Variants in SPDYE18 observed in about 807,000 individuals in gnomAD.
SPDYE18 encodes the protein speedy/RINGO cell cycle regulator family member E18.
SPDYE18 carries 6 observed loss-of-function variants against 44.9 expected under a neutral mutation model. The ratio of observed to expected loss-of-function variants is 0.13; its 90% CI spans 0.07 to 0.26. SPDYE18 has a LOEUF of 0.26. Among genes scored for constraint, SPDYE18 ranks in the 10% least tolerant of loss-of-function variants. The pLI is 1.00. For synonymous variants in SPDYE18, 35 were observed against 177.1 expected, an observed-to-expected ratio of 0.20 and a Z score of 6.37; for missense variants, 121 against 463.2, an observed-to-expected ratio of 0.26 and a Z score of 6.78.
rs570887819 is a variant in SPDYE18 at position 77,050,454 on chromosome 7, A to G, written c.*1471T>C. Among the ~76,000 whole-genome samples the G allele has an allele frequency of 2.5e-4, 38 of 152,358 alleles. No individual in the cohort carries two copies. The highest frequency in any genetic ancestry group is 6.5e-4 in the African/African-American group (27 of 41,598). ...TATGTTTCCACAAGAGACGCACTCTATTGTTCTCTTGAAAACACACAGCTC... is the reference window on the plus strand; with the variant it reads ...TATGTTTCCACAAGAGACGCACTCTGTTGTTCTCTTGAAAACACACAGCTC... On this transcript the variant is annotated 3_prime_UTR_variant, in exon 9 of 9. Coordinates refer to ENST00000510091, the MANE Select transcript of SPDYE18 (RefSeq NM_001394953.1).
chr7:77,061,014 G>A (rs1298657801), intron 1 of SPDYE18, among the ~76,000 whole-genome samples, 81 bp from the exon 2 acceptor site: 1 of 117,706 alleles, frequency 8.5e-6, no homozygotes, highest in African/African-American at 3.3e-5. Flanking sequence ...AGATTATCAT[G>A]TACAAGAGTG....
rs1394839958 is a variant in SPDYE18 at position 77,055,285 on chromosome 7, CCCGGCTGA to C, written c.698_705del (p.Phe233CysfsTer22). 1 of 1,388,362 alleles carries C rather than the reference CCCGGCTGA, an allele frequency of 7.2e-7. No individual in the cohort carries two copies. The highest frequency in any genetic ancestry group is 1.0e-6 in the Non-Finnish European group (1 of 987,166). 86.0% of individuals were successfully genotyped at this position (1,388,362 alleles called of 1,614,324 possible). Reference sequence around the variant, plus strand: ...TGGTATTGCCAGGAGGGGAGGCCGGCCCGGCTGAAATACGCTATGACCATAGCCAGGAG... The same window carrying C: ...TGGTATTGCCAGGAGGGGAGGCCGGCAATACGCTATGACCATAGCCAGGAG... On this transcript the variant is annotated frameshift_variant, in exon 6 of 9. Coordinates refer to ENST00000510091, the MANE Select transcript of SPDYE18 (RefSeq NM_001394953.1). LOFTEE classifies it high-confidence loss of function.
rs1225474339 is a variant in SPDYE18, at chr7:77,050,586, T to C, written c.*1339A>G. On this transcript the variant is annotated 3_prime_UTR_variant, in exon 9 of 9. Transcript: ENST00000510091. The stretch of plus-strand genomic sequence containing the variant: ...TCACATTTCAAACATATATGAAATA[T>C]CAAATAAAAATTTATTTTTACAAGA... Among the ~76,000 whole-genome samples, 1 of 152,186 alleles carries C rather than the reference T, an allele frequency of 6.6e-6. No homozygotes were observed. Among genetic ancestry groups the C allele is most frequent in the Non-Finnish European group, 1.5e-5 (1 of 68,030 alleles).
chr7:77,054,626 G>A (rs1336813773), intron 6 of SPDYE18, among the ~76,000 whole-genome samples: 1 of 152,238 alleles, frequency 6.6e-6, no homozygotes, highest in African/African-American at 2.4e-5. Flanking sequence ...GAGAGAGAGA[G>A]AGAAGAACCA....
In SPDYE18 at chr7:77,056,945, G is replaced by C. The variant is rs1168440676; in HGVS notation, c.611-337C>G. ...TTCCTCATGAGACAGTCACATCAGG[G>C]TGTGACCATGGCCTTGGGATCCCCC... On this transcript the variant is annotated intron_variant, in intron 4 of 8. Coordinates refer to ENST00000510091, the MANE Select transcript of SPDYE18 (RefSeq NM_001394953.1). Among the ~76,000 whole-genome samples the C allele has an allele frequency of 1.3e-3, 198 of 152,118 alleles. 1 individual carries two copies. Among genetic ancestry groups the C allele is most frequent in the Non-Finnish European group, 2.3e-3 (159 of 67,956 alleles).
chr7:77,050,667 A>G lies in SPDYE18; in HGVS notation c.*1258T>C, dbSNP rs1364590371. The stretch of plus-strand genomic sequence containing the variant: ...GTAATATATATGTTAACTAAGTATC[A>G]CAGATAAAAACCATGCTCCCTTCAG... On this transcript the variant is annotated 3_prime_UTR_variant, in exon 9 of 9. Coordinates refer to ENST00000510091, the MANE Select transcript of SPDYE18 (RefSeq NM_001394953.1). 2.0e-5 allele frequency among the ~76,000 whole-genome samples: 3 copies of G among 152,278 alleles called. No homozygotes were observed. The highest frequency in any genetic ancestry group is 2.9e-5 in the Non-Finnish European group (2 of 68,020).
chr7:77,061,038 C>G (rs1182038219), intron 1 of SPDYE18, among the ~76,000 whole-genome samples, 105 bp from the exon 2 acceptor site: 1 of 105,210 alleles, frequency 9.5e-6, no homozygotes, highest in Non-Finnish European at 1.9e-5. Flanking sequence ...TTATCACGTA[C>G]AAGAGTGAGA....
In SPDYE18 at chr7:77,057,078, T is replaced by C. The variant is rs567629476; in HGVS notation, c.611-470A>G. On this transcript the variant is annotated intron_variant, in intron 4 of 8. Transcript: ENST00000510091. Reference sequence around the variant, plus strand: ...GTTTATTGATTTTGTTTTTCTTGATTTTTATTTTTATTTATTTATTAATTT... The same window carrying C: ...GTTTATTGATTTTGTTTTTCTTGATCTTTATTTTTATTTATTTATTAATTT... Among the ~76,000 whole-genome samples the C allele has an allele frequency of 1.5e-3, 228 of 152,276 alleles. No individual in the cohort carries two copies. In the South Asian group the frequency reaches 0.042, roughly 28 times the overall value.
chr7:77,053,262 G>A (rs1184080317), intron 6 of SPDYE18, 59 bp from the exon 7 acceptor site: 1 of 1,605,614 alleles, frequency 6.2e-7, no homozygotes, highest in African/African-American at 1.3e-5. Context: ...CTCCGGCTGA[G>A]GTCAGCTTCC....
At chr7:77,056,430 A>AAC (rs1789922157) in intron 5 of SPDYE18, 120 bp downstream of exon 5, 1 of 580,336 alleles carries the variant, frequency 1.7e-6, no homozygotes, top group Admixed American at 4.4e-5. Context: ...AAAAAAAAAA[A>AAC]AAAAAGACTG....
At position 77,053,049 on chromosome 7, in the gene SPDYE18, A is replaced by G; in HGVS notation, c.910T>C (p.Ser304Pro). Residue 304 changes from serine to proline, a missense_variant, in exon 7 of 9, where the codon TCT (serine) becomes CCT (proline). Transcript: ENST00000510091. ...AGTTTCTGGAACAGGGCTATCTGAG[A>G]GCGGTTCTTCCTGGCCCTCGGGTTC... is the stretch of plus-strand genomic sequence containing the variant. ...CLNPRARKNR[S>P]QIALFQKLRF... 6.2e-7 allele frequency: 1 copy of G among 1,614,110 alleles called. No individual in the cohort carries two copies. Among genetic ancestry groups the G allele is most frequent in the Non-Finnish European group, 8.5e-7 (1 of 1,179,984 alleles).
chr7:77,061,011 C>CATGTACAAGAGTGAGATT, intron 1 of SPDYE18, among the ~76,000 whole-genome samples, 78 bp from the exon 2 acceptor site: 1 of 130,592 alleles, frequency 7.7e-6, no homozygotes, highest in Admixed American at 8.4e-5. Context: ...GTGAGATTAT[C>CATGTACAAGAGTGAGATT]ATGTACAAGA....
At position 77,060,400 on chromosome 7, in the gene SPDYE18, C is replaced by T; in HGVS notation, c.113G>A (p.Gly38Glu). Residue 38 changes from glycine to glutamate, a missense_variant, in exon 2 of 9, where the codon GGG becomes GAG. Gly to Glu is a moderately conservative substitution (Grantham distance 98, BLOSUM62 -2). Coordinates refer to ENST00000510091, the MANE Select transcript of SPDYE18 (RefSeq NM_001394953.1). ...NEQSLQRSTS[G>E]YPLQEVVDDE... ...ATCCACCACCTCCTGGAGGGGGTAC[C>T]CCGAGGTGCTCCGCTGGAGACTCTG... 1.3e-6 allele frequency: 2 copies of T among 1,535,562 alleles called. No individual in the cohort carries two copies. Among genetic ancestry groups the T allele is most frequent in the African/African-American group, 1.4e-5 (1 of 73,054 alleles).
intron 2 of SPDYE18, 77 bp downstream of exon 2, chr7:77,060,276 C>A (rs1377195456): frequency 1.3e-6 from 2 of 1,527,312 alleles, no homozygotes; most frequent in African/African-American, 1.4e-5. Context: ...GGGTTACAGG[C>A]GTGAGCCACC....
At chr7:77,053,397 G>C (rs1225436262) in intron 6 of SPDYE18, among the ~76,000 whole-genome samples, 194 bp from the exon 7 acceptor site, 2 of 152,252 alleles carry the variant, frequency 1.3e-5, no homozygotes, top group African/African-American at 4.8e-5. Flanking sequence ...ACTCCTTCAG[G>C]ATGGAGACAA....
intron 4 of SPDYE18, among the ~76,000 whole-genome samples, chr7:77,057,362 T>C (rs2117321764): frequency 6.6e-6 from 1 of 151,824 alleles, no homozygotes; most frequent in East Asian, 1.9e-4. Flanking sequence ...AGCAATCCTC[T>C]TGCCTCAGCC....
Position 77,060,420 on chromosome 7 carries a change from ACT to A in SPDYE18, c.91_92del (p.Leu32ProfsTer15). 1.6e-5 allele frequency: 25 copies of A among 1,534,820 alleles called. No homozygotes were observed. The highest frequency in any genetic ancestry group is 2.0e-5 in the Non-Finnish European group (23 of 1,146,696). On this transcript the variant is annotated frameshift_variant, in exon 2 of 9. Coordinates refer to ENST00000510091, the MANE Select transcript of SPDYE18 (RefSeq NM_001394953.1). LOFTEE classifies it high-confidence loss of function. Reference protein sequence around the residue: ...SRQPHPQNEQSLQRSTSGYPL... With the variant: ...SRQPHPQNEQXLQRSTSGYPL... The stretch of plus-strand genomic sequence containing the variant: ...GGTACCCCGAGGTGCTCCGCTGGAG[ACT>A]CTGCTCATTCTGGGGGTGCGGTTGA...
chr7:77,051,944 C>T (rs1473720455), intron 8 of SPDYE18, among the ~76,000 whole-genome samples, 65 bp from the exon 9 acceptor site: 4 of 147,694 alleles, frequency 2.7e-5, no homozygotes, highest in Non-Finnish European at 6.0e-5. Flanking sequence ...AGGTTATTCA[C>T]GTCCCATGTC....
intron 2 of SPDYE18, among the ~76,000 whole-genome samples, chr7:77,059,772 C>A (rs1196042232): frequency 6.8e-6 from 1 of 147,742 alleles, no homozygotes; most frequent in African/African-American, 2.5e-5. Context: ...GCCTCAGCCT[C>A]TCAGGTAGCT....
Sources: gnomAD v4.1 joint callset for allele counts (sites outside exome capture counted in the v4.1 genomes callset) on GRCh38, gnomAD v4.1.1 for gene constraint, MANE v1.5 for transcripts, NCBI Gene and HGNC (gene_info 2026-07-23, HGNC 2026-07-21) for gene names.